The following PTPRN2 variants were observed in gnomAD, a reference collection of about 807,000 sequenced individuals.
PTPRN2 encodes protein tyrosine phosphatase receptor type N2.
A neutral mutation model predicts 118.8 loss-of-function variants in PTPRN2; 74 were observed. The observed-to-expected ratio is 0.62, with a 90% CI of 0.52 to 0.76. The LOEUF (loss-of-function observed/expected upper bound fraction) is 0.76, where lower values mean the gene tolerates loss of function less well. PTPRN2 is among the 30% of genes least tolerant of loss of function. The pLI, the probability that PTPRN2 is intolerant of heterozygous loss-of-function variation, is 0.00. For synonymous variants in PTPRN2, 641 were observed against 608.0 expected (o/e 1.05, Z -0.80); for missense variants, 1,481 against 1,394.4 (o/e 1.06, Z -0.99).
At chr7:158,349,809 AGGGTGGCCCACATCACTGCACCCCT>A (rs1374975933) in intron 2 of PTPRN2, among the ~76,000 whole-genome samples, 1 of 138,856 alleles carries the variant, frequency 7.2e-6, no homozygotes, top group African/African-American at 2.7e-5. Flanking sequence ...GGCAGTGCTG[AGGGTGGCCCACATCACTGCACCCCT>A]GGGTGGCCCC....
At chr7:158,306,759 C>G (rs918278975) in intron 3 of PTPRN2, among the ~76,000 whole-genome samples, 30 of 151,570 alleles carry the variant, frequency 2.0e-4, no homozygotes, top group Admixed American at 6.6e-5. Flanking sequence ...TTCAAAGAAA[C>G]ATGCAAATGT....
chr7:157,893,057 T>A lies in PTPRN2; in HGVS notation c.1788+5616A>T, dbSNP rs1796894104. ...TCTTTTGAAATGTAAAATGGCCACG[T>A]GGAGAAGGATAATGCTCCAGGAGCT... On this transcript the variant is annotated intron_variant, in intron 12 of 22. Transcript: ENST00000389418. This position sits in a 1 kb window ranked among gnomAD's most constrained non-coding sequence, Gnocchi z 4.0. Among the ~76,000 whole-genome samples the A allele has an allele frequency of 6.6e-6, 1 of 152,174 alleles. No homozygotes were observed. Among genetic ancestry groups the A allele is most frequent in the African/African-American group, 2.4e-5 (1 of 41,436 alleles).
intron 12 of PTPRN2, among the ~76,000 whole-genome samples, chr7:157,728,262 C>T (rs1271415112): frequency 1.3e-5 from 2 of 152,248 alleles, no homozygotes; most frequent in Admixed American, 6.5e-5. Flanking sequence ...AGCCTCCTGA[C>T]AGGCCACCCT....
rs1238621108 is a variant in PTPRN2, at chr7:158,451,001, G to A, written c.163+38734C>T. ...TTCCAGGAACTCCCCGCCCCACGTC[G>A]CAGCTGCACCTGGAGCTGGTGCTTC... On this transcript the variant is annotated intron_variant, in intron 2 of 22. Coordinates refer to ENST00000389418, the MANE Select transcript of PTPRN2 (RefSeq NM_002847.5). 1.3e-5 allele frequency among the ~76,000 whole-genome samples: 2 copies of A among 152,240 alleles called. 1 individual carries two copies. The highest frequency in any genetic ancestry group is 3.8e-4 in the East Asian group (2 of 5,198).
At chr7:157,942,524 G>A (rs55941485) in intron 11 of PTPRN2, among the ~76,000 whole-genome samples, 81,842 of 151,786 alleles carry the variant, frequency 0.54, 23,332 homozygotes, top group African/African-American at 0.72. Context: ...ATGCAAATGA[G>A]TTCTTTTTCA....
chr7:158,268,093 C>T (rs1009377444), intron 3 of PTPRN2, among the ~76,000 whole-genome samples: 14 of 152,220 alleles, frequency 9.2e-5, no homozygotes, highest in Non-Finnish European at 1.8e-4. Flanking sequence ...TCCTCAGCAC[C>T]GTCAACAAGT....
intron 2 of PTPRN2, among the ~76,000 whole-genome samples, chr7:158,328,020 A>C (rs1438838530): frequency 6.6e-6 from 1 of 152,222 alleles, no homozygotes. Context: ...GCCCTGTTGA[A>C]AGGAATTCTC....
rs959075062 is a variant in PTPRN2 at position 157,627,861 on chromosome 7, C to T, written c.2197-6352G>A. On this transcript the variant is annotated intron_variant, in intron 14 of 22. Transcript: ENST00000389418. This position sits in a 1 kb window ranked among gnomAD's most constrained non-coding sequence, Gnocchi z 4.2. ...AGAGCACACGACATCCACACCACAG[C>T]AGCTGAAGATGTGGCTGCATTCTTT... is the stretch of plus-strand genomic sequence containing the variant. Among the ~76,000 whole-genome samples the T allele has an allele frequency of 6.6e-6, 1 of 152,194 alleles. No individual in the cohort carries two copies. Among genetic ancestry groups the T allele is most frequent in the African/African-American group, 2.4e-5 (1 of 41,446 alleles).
At chr7:158,082,730 T>A (rs1174371231) in intron 10 of PTPRN2, among the ~76,000 whole-genome samples, 2 of 152,246 alleles carry the variant, frequency 1.3e-5, no homozygotes, top group African/African-American at 4.8e-5. Context: ...AAATGCACCA[T>A]GTCCACCACT....
At chr7:158,038,982 T>C (rs577668552) in intron 11 of PTPRN2, among the ~76,000 whole-genome samples, 1 of 152,226 alleles carries the variant, frequency 6.6e-6, no homozygotes, top group East Asian at 1.9e-4. Context: ...ATGAAAATTG[T>C]AATAAGATAC....
intron 2 of PTPRN2, among the ~76,000 whole-genome samples, chr7:158,424,295 A>C (rs1191386827): frequency 2.6e-5 from 4 of 152,214 alleles, no homozygotes; most frequent in Admixed American, 2.6e-4. Context: ...GCAATAATGA[A>C]GCAAGGCGTC....
intron 2 of PTPRN2, among the ~76,000 whole-genome samples, chr7:158,378,080 A>G (rs1292221148): frequency 6.6e-6 from 1 of 152,142 alleles, no homozygotes; most frequent in African/African-American, 2.4e-5. Flanking sequence ...TGGCTCCGGG[A>G]CTATACACCT....
chr7:158,142,284 C>T (rs1819460302), intron 6 of PTPRN2, among the ~76,000 whole-genome samples: 1 of 152,226 alleles, frequency 6.6e-6, no homozygotes, highest in African/African-American at 2.4e-5. Flanking sequence ...CAGACACGGG[C>T]AGCCCCTGGC....
At chr7:158,547,230 C>T (rs1200203304) in intron 1 of PTPRN2, among the ~76,000 whole-genome samples, 1 of 152,116 alleles carries the variant, frequency 6.6e-6, no homozygotes, top group East Asian at 1.9e-4. Context: ...CTGTGGCATT[C>T]ATTACATTCA....
At position 157,627,347 on chromosome 7, in the gene PTPRN2, A is replaced by T. The variant is rs1176551188; in HGVS notation, c.2197-5838T>A. On this transcript the variant is annotated intron_variant, in intron 14 of 22. Coordinates refer to ENST00000389418, the MANE Select transcript of PTPRN2 (RefSeq NM_002847.5). The surrounding 1 kb of genome is among the most constrained non-coding windows in gnomAD (Gnocchi z 4.2). ...GACTGAGGCTGACAATACCAGAGGGAGTGAGCCAGTGAAGGCGGGATTGCA... is the reference window on the plus strand; with the variant it reads ...GACTGAGGCTGACAATACCAGAGGGTGTGAGCCAGTGAAGGCGGGATTGCA... Among the ~76,000 whole-genome samples the T allele has an allele frequency of 2.0e-5, 3 of 152,238 alleles. No homozygotes were observed. The East Asian group carries it at 5.8e-4, about 29-fold the overall frequency.
chr7:157,809,135 A>G (rs958826690), intron 12 of PTPRN2, among the ~76,000 whole-genome samples: 3 of 152,262 alleles, frequency 2.0e-5, no homozygotes, highest in Non-Finnish European at 4.4e-5. Flanking sequence ...GTTGCTTAGG[A>G]TAAGTAAGAA....
chr7:157,655,049 T>C (rs1236546567), intron 14 of PTPRN2, among the ~76,000 whole-genome samples: 1 of 152,266 alleles, frequency 6.6e-6, no homozygotes, highest in Non-Finnish European at 1.5e-5. Flanking sequence ...CCAAAGTCGA[T>C]GACAGGTCTG....
chr7:158,398,953 C>T (rs1324393704), intron 2 of PTPRN2, among the ~76,000 whole-genome samples: 1 of 152,238 alleles, frequency 6.6e-6, no homozygotes, highest in Non-Finnish European at 1.5e-5. Flanking sequence ...ATGTAGTACG[C>T]TGTGACTAGT....
In PTPRN2 at chr7:157,585,439, C is replaced by T. The variant is rs1402052110; in HGVS notation, c.2497-7299G>A. 1.3e-5 allele frequency among the ~76,000 whole-genome samples: 2 copies of T among 152,192 alleles called. No homozygotes were observed. The highest frequency in any genetic ancestry group is 4.8e-5 in the African/African-American group (2 of 41,442). On this transcript the variant is annotated intron_variant, in intron 17 of 22. Coordinates refer to ENST00000389418, the MANE Select transcript of PTPRN2 (RefSeq NM_002847.5). The surrounding 1 kb of genome is among the most constrained non-coding windows in gnomAD (Gnocchi z 5.2). The stretch of plus-strand genomic sequence containing the variant: ...GCAGACCCCGTGTGGCTTGGTGTGG[C>T]CATCCTGCCGCATAGGGGTTCCCAC...
Sources: allele counts gnomAD v4.1 joint callset (sites outside exome capture counted in the v4.1 genomes callset), GRCh38; gene constraint gnomAD v4.1.1; non-coding constraint Gnocchi (gnomAD v3.1); transcripts MANE v1.5; gene names NCBI Gene and HGNC (gene_info 2026-07-23, HGNC 2026-07-21).